The following TCEANC2 variants were observed in gnomAD, a reference collection of about 807,000 sequenced individuals.
TCEANC2 encodes the protein transcription elongation factor A N-terminal and central domain containing 2, also known as transcription elongation factor A N-terminal and central domain-containing protein 2.
Under a neutral mutation model 22.8 loss-of-function variants are expected in TCEANC2, and 20 were observed. The ratio of observed to expected loss-of-function variants is 0.88; its 90% CI spans 0.62 to 1.28. The LOEUF (loss-of-function observed/expected upper bound fraction) is 1.28, where lower values mean the gene tolerates loss of function less well. Among genes scored for constraint, TCEANC2 ranks in the 50% most tolerant of loss-of-function variants. TCEANC2 has a pLI of 0.00. For synonymous variants in TCEANC2, 84 were observed against 95.5 expected (o/e 0.88, Z 0.70); for missense variants, 251 against 249.7 (o/e 1.01, Z -0.03).
intron 2 of TCEANC2, among the ~76,000 whole-genome samples, chr1:54,061,155 A>G (rs186835546): frequency 7.2e-5 from 11 of 152,324 alleles, no homozygotes; most frequent in East Asian, 1.9e-4. Flanking sequence ...TGTGTTCACA[A>G]TGGCAAATTA....
intron 2 of TCEANC2, among the ~76,000 whole-genome samples, chr1:54,068,391 C>T (rs1019413758): frequency 2.0e-5 from 3 of 152,170 alleles, no homozygotes; most frequent in Non-Finnish European, 4.4e-5. Context: ...CTATGACTTC[C>T]CTGCTCGCTG....
At chr1:54,080,805 C>G (rs1413561318) in intron 3 of TCEANC2, among the ~76,000 whole-genome samples, 1 of 152,220 alleles carries the variant, frequency 6.6e-6, no homozygotes, top group African/African-American at 2.4e-5. Context: ...ACCTTAAACC[C>G]AGGGAACTTG....
chr1:54,073,787 C>T (rs1182423240), intron 3 of TCEANC2, among the ~76,000 whole-genome samples: 1 of 152,174 alleles, frequency 6.6e-6, no homozygotes, highest in Non-Finnish European at 1.5e-5. Context: ...ACTAAAACAT[C>T]TGCATAAGAA....
At chr1:54,085,580 A>C (rs1658325130) in intron 3 of TCEANC2, among the ~76,000 whole-genome samples, 1 of 152,214 alleles carries the variant, frequency 6.6e-6, no homozygotes. Context: ...GATCTTAGAT[A>C]TGAGGCTAGT....
chr1:54,079,881 ACTCTAC>A (rs1235951666), intron 3 of TCEANC2, among the ~76,000 whole-genome samples: 2 of 151,690 alleles, frequency 1.3e-5, no homozygotes, highest in Admixed American at 6.6e-5. Flanking sequence ...GCTCTTGTTC[ACTCTAC>A]TTCTTGTGTT....
downstream of TCEANC2, among the ~76,000 whole-genome samples, chr1:54,109,919 G>A (rs1453753950): frequency 1.3e-5 from 2 of 152,220 alleles, no homozygotes; most frequent in East Asian, 1.9e-4. Flanking sequence ...GAGATAAGCA[G>A]CCCACATGGC....
In TCEANC2 at chr1:54,105,430, G is replaced by A. The variant is rs976015447; in HGVS notation, c.*8957G>A. 3.3e-5 allele frequency: 5 copies of A among 152,284 alleles called. No homozygotes were observed. Among genetic ancestry groups the A allele is most frequent in the African/African-American group, 1.2e-4 (5 of 41,442 alleles). 9.4% of individuals were successfully genotyped at this position (152,284 alleles called of 1,614,324 possible). On this transcript the variant is annotated 3_prime_UTR_variant, in exon 5 of 5. Transcript: ENST00000234827. ...AGCTTCAAGACCCTCCCATGAGACT[G>A]GCTGAGGTCTTCATACAGCATCGGA... is the stretch of plus-strand genomic sequence containing the variant.
intron 2 of TCEANC2, among the ~76,000 whole-genome samples, chr1:54,061,959 C>T (rs1488992531): frequency 6.6e-6 from 1 of 152,054 alleles, no homozygotes; most frequent in Non-Finnish European, 1.5e-5. Context: ...CTTTTTACTC[C>T]CTTAAGAGGA....
intron 4 of TCEANC2, among the ~76,000 whole-genome samples, chr1:54,090,884 A>G (rs1430789087): frequency 6.6e-6 from 1 of 152,220 alleles, no homozygotes; most frequent in Non-Finnish European, 1.5e-5. Context: ...TAACAAAGCT[A>G]TGCTTGTAAG....
At chr1:54,068,584 G>T (rs1190893646) in intron 2 of TCEANC2, among the ~76,000 whole-genome samples, 172 bp from the exon 3 acceptor site, 1 of 152,108 alleles carries the variant, frequency 6.6e-6, no homozygotes, top group Admixed American at 6.6e-5. Flanking sequence ...GCACTAAGCC[G>T]TACCTGCTTT....
chr1:54,071,932 C>T (rs1346448136), intron 3 of TCEANC2, among the ~76,000 whole-genome samples: 1 of 152,106 alleles, frequency 6.6e-6, no homozygotes, highest in South Asian at 2.1e-4. Flanking sequence ...CCACCTCAGC[C>T]CCCCAAGTAG....
chr1:54,110,603 C>CAAACA (rs549379793), downstream of TCEANC2, among the ~76,000 whole-genome samples: 110 of 152,142 alleles, frequency 7.2e-4, no homozygotes, highest in African/African-American at 1.1e-3. Context: ...AACCTTGTCT[C>CAAACA]AAACAAAACA....
downstream of TCEANC2, among the ~76,000 whole-genome samples, chr1:54,110,858 C>T (rs182218279): frequency 4.6e-5 from 7 of 152,242 alleles, no homozygotes; most frequent in East Asian, 1.9e-4. Flanking sequence ...CTGATTGCCC[C>T]GAGGTGACTT....
chr1:54,084,633 G>A (rs958077940), intron 3 of TCEANC2, among the ~76,000 whole-genome samples: 2 of 152,040 alleles, frequency 1.3e-5, no homozygotes, highest in African/African-American at 2.4e-5. Context: ...AGGCCAAAGC[G>A]GGTGGACCAC....
At chr1:54,054,607 A>G (rs559205874) in intron 2 of TCEANC2, 83 bp downstream of exon 2, 6 of 1,377,778 alleles carry the variant, frequency 4.4e-6, no homozygotes, top group South Asian at 2.9e-5. Context: ...GGAAAGACCT[A>G]TGAATTATTT....
In TCEANC2 at chr1:54,097,881, C is replaced by T. The variant is rs1466298267; in HGVS notation, c.*1408C>T. 6.6e-6 allele frequency: 1 copy of T among 152,152 alleles called. No homozygotes were observed. Among genetic ancestry groups the T allele is most frequent in the African/African-American group, 2.4e-5 (1 of 41,434 alleles). 9.4% of individuals were successfully genotyped at this position (152,152 alleles called of 1,614,324 possible). A position where few individuals can be genotyped will look rare whatever the true frequency, so the allele number is the denominator to read the frequency against. On this transcript the variant is annotated 3_prime_UTR_variant, in exon 5 of 5. Coordinates refer to ENST00000234827, the MANE Select transcript of TCEANC2 (RefSeq NM_153035.3). ...GAATAATAATAATCGAGCGTTTACCCTGGGCCCAGCACTGTGGTAACCATT... is the reference window on the plus strand; with the variant it reads ...GAATAATAATAATCGAGCGTTTACCTTGGGCCCAGCACTGTGGTAACCATT...
At chr1:54,112,425 T>C (rs1236355488) in exon 5 of TCEANC2, 2 of 152,168 alleles carry the variant, frequency 1.3e-5, no homozygotes, top group African/African-American at 4.8e-5. Context: ...ATTTATGGAG[T>C]ATTTATTAAC....
rs1254503876 is a variant in TCEANC2 at position 54,100,063 on chromosome 1, A to G, written c.*3590A>G. On this transcript the variant is annotated 3_prime_UTR_variant, in exon 5 of 5. Transcript: ENST00000234827. Reference sequence around the variant, plus strand: ...AGACCAACCTGGCCAACATGGTGAAACCTTGCCTGTACTAAAAATACAAAA... The same window carrying G: ...AGACCAACCTGGCCAACATGGTGAAGCCTTGCCTGTACTAAAAATACAAAA... 1 of 151,888 alleles carries G rather than the reference A, an allele frequency of 6.6e-6. No individual in the cohort carries two copies. Among genetic ancestry groups the G allele is most frequent in the Non-Finnish European group, 1.5e-5 (1 of 68,020 alleles). The allele number at this position is 151,888 out of a possible 1,614,324, so 9.4% of individuals were successfully genotyped here. A position where few individuals can be genotyped will look rare whatever the true frequency, so the allele number is the denominator to read the frequency against.
At chr1:54,073,516 C>T (rs1167916811) in intron 3 of TCEANC2, among the ~76,000 whole-genome samples, 1 of 152,166 alleles carries the variant, frequency 6.6e-6, no homozygotes, top group African/African-American at 2.4e-5. Flanking sequence ...TCCCTGAGTG[C>T]ACCCTTCTAG....
Sources: gnomAD v4.1 joint callset for allele counts (sites outside exome capture counted in the v4.1 genomes callset) on GRCh38, gnomAD v4.1.1 for gene constraint, MANE v1.5 for transcripts, NCBI Gene and HGNC (gene_info 2026-07-23, HGNC 2026-07-21) for gene names.